Variants in RAB8B observed in about 807,000 individuals in gnomAD.
The protein encoded by RAB8B is RAB8B, member RAS oncogene family, also known as ras-related protein Rab-8B.
Under a neutral mutation model 32.0 loss-of-function variants are expected in RAB8B, and 11 were observed. The observed-to-expected ratio is 0.34, with a 90% CI of 0.22 to 0.57. The LOEUF (loss-of-function observed/expected upper bound fraction) is 0.57. Among genes scored for constraint, RAB8B ranks in the 20% least tolerant of loss-of-function variants. The probability of loss-of-function intolerance (pLI) is 0.86; values close to 1 mark genes in which losing one functional copy is unlikely to be tolerated. For synonymous variants in RAB8B, 103 were observed against 89.6 expected, an observed-to-expected ratio of 1.15 and a Z score of -0.85; for missense variants, 190 against 258.5, an observed-to-expected ratio of 0.73 and a Z score of 1.82.
chr15:63,249,026 A>G (rs532033098), intron 2 of RAB8B, among the ~76,000 whole-genome samples: 63 of 152,364 alleles, frequency 4.1e-4, no homozygotes, highest in African/African-American at 1.5e-3. Flanking sequence ...GCAAAAATAT[A>G]TGAAAGTTTA....
intron 1 of RAB8B, among the ~76,000 whole-genome samples, chr15:63,236,274 C>A (rs574074942): frequency 6.6e-6 from 1 of 152,056 alleles, no homozygotes; most frequent in African/African-American, 2.4e-5. Context: ...AATGAAAATG[C>A]CTTTGAGTCA....
chr15:63,243,086 G>C (rs992128849), intron 1 of RAB8B, among the ~76,000 whole-genome samples: 1 of 152,222 alleles, frequency 6.6e-6, no homozygotes, highest in Admixed American at 6.5e-5. Flanking sequence ...GATTCTCATA[G>C]GAGTGCACAA....
intron 1 of RAB8B, among the ~76,000 whole-genome samples, chr15:63,218,468 A>G (rs1470025336): frequency 1.3e-5 from 2 of 152,224 alleles, no homozygotes; most frequent in African/African-American, 4.8e-5. Context: ...GGACTCCACT[A>G]TACGGGGTTA....
chr15:63,234,369 T>A (rs1356166815), intron 1 of RAB8B, among the ~76,000 whole-genome samples: 1 of 152,212 alleles, frequency 6.6e-6, no homozygotes, highest in Admixed American at 6.5e-5. Context: ...GTTATTAATA[T>A]CTGTTGACTG....
chr15:63,190,972 CTG>C (rs1305722617), intron 1 of RAB8B, among the ~76,000 whole-genome samples: 4 of 152,204 alleles, frequency 2.6e-5, no homozygotes, highest in South Asian at 2.1e-4. Context: ...CTGGAAGACA[CTG>C]TGTTCAGGTA....
chr15:63,243,194 A>G (rs1053111805), intron 1 of RAB8B, among the ~76,000 whole-genome samples: 47 of 152,224 alleles, frequency 3.1e-4, no homozygotes, highest in Admixed American at 2.0e-4. Context: ...TTAGGCAGCA[A>G]TGCAAGTAAT....
At chr15:63,196,287 C>T (rs1222533254) in intron 1 of RAB8B, among the ~76,000 whole-genome samples, 14 of 152,128 alleles carry the variant, frequency 9.2e-5, no homozygotes, top group Admixed American at 9.2e-4. Context: ...ATGGTGGTTA[C>T]AGTACTTTAA....
chr15:63,213,962 TC>T, intron 1 of RAB8B, among the ~76,000 whole-genome samples: 1 of 152,026 alleles, frequency 6.6e-6, no homozygotes, highest in East Asian at 1.9e-4. Flanking sequence ...GTGTCTGTAA[TC>T]CCAGCTACTC....
At chr15:63,258,000 T>G (rs182937605) in intron 5 of RAB8B, among the ~76,000 whole-genome samples, 154 of 144,362 alleles carry the variant, frequency 1.1e-3, no homozygotes, top group African/African-American at 3.7e-3. Context: ...GAGGCGGAGG[T>G]TGCAGTGAGC....
chr15:63,253,695 A>G (rs1383011813), intron 3 of RAB8B, among the ~76,000 whole-genome samples: 2 of 152,328 alleles, frequency 1.3e-5, no homozygotes, highest in East Asian at 3.9e-4. Context: ...GAAATTAATC[A>G]GGGAAATCAA....
rs971858735 is a variant in RAB8B at position 63,266,138 on chromosome 15, G to C, written c.*2519G>C. 3.3e-5 allele frequency: 5 copies of C among 152,530 alleles called. No homozygotes were observed. The highest frequency in any genetic ancestry group is 7.2e-5 in the African/African-American group (3 of 41,428). 9.4% of individuals were successfully genotyped at this position (152,530 alleles called of 1,614,324 possible). ...TCCCCGCTGAAACTGAAGAAATCTA[G>C]TTTTTTTGTGAACATTTTTGTGGTC... On this transcript the variant is annotated 3_prime_UTR_variant, in exon 8 of 8. Transcript: ENST00000321437.
At chr15:63,217,326 A>T (rs1176891142) in intron 1 of RAB8B, among the ~76,000 whole-genome samples, 1 of 152,226 alleles carries the variant, frequency 6.6e-6, no homozygotes, top group Non-Finnish European at 1.5e-5. Context: ...ATTTAAAAAT[A>T]TTGAATGGAA....
chr15:63,203,086 T>G (rs1550721), intron 1 of RAB8B, among the ~76,000 whole-genome samples: 143,093 of 152,284 alleles, frequency 0.94, 67,450 homozygotes, highest in East Asian at 1. Flanking sequence ...AGAGGAAAAA[T>G]TGGCAGTGTG....
chr15:63,241,556 G>T, intron 1 of RAB8B, among the ~76,000 whole-genome samples: 1 of 152,214 alleles, frequency 6.6e-6, no homozygotes, highest in Middle Eastern at 3.4e-3. Context: ...CAACTGATCC[G>T]TAGAACTATT....
At chr15:63,241,495 ATTT>A (rs1218396532) in intron 1 of RAB8B, among the ~76,000 whole-genome samples, 1 of 152,066 alleles carries the variant, frequency 6.6e-6, no homozygotes, top group Non-Finnish European at 1.5e-5. Flanking sequence ...AGTCTTAACC[ATTT>A]TTCAGTGTAC....
chr15:63,209,571 A>G (rs2037730197), intron 1 of RAB8B, among the ~76,000 whole-genome samples: 1 of 152,138 alleles, frequency 6.6e-6, no homozygotes, highest in Non-Finnish European at 1.5e-5. Context: ...AGCCTGGGAG[A>G]CAAAAAGCGA....
chr15:63,257,099 A>G (rs949428360), intron 5 of RAB8B, among the ~76,000 whole-genome samples: 3 of 152,144 alleles, frequency 2.0e-5, no homozygotes, highest in African/African-American at 7.2e-5. Flanking sequence ...GTTTATGGGC[A>G]TGGGCATTTC....
At chr15:63,258,201 A>G (rs1219997575) in intron 5 of RAB8B, among the ~76,000 whole-genome samples, 1 of 151,904 alleles carries the variant, frequency 6.6e-6, no homozygotes, top group Middle Eastern at 3.2e-3. Flanking sequence ...TCCCTGGTTC[A>G]AGCGATTCTC....
chr15:63,221,570 C>T (rs1231786422), intron 1 of RAB8B, among the ~76,000 whole-genome samples: 1 of 152,090 alleles, frequency 6.6e-6, no homozygotes, highest in Non-Finnish European at 1.5e-5. Flanking sequence ...CCCAGTTCAC[C>T]AGGTCATCCT....
Sources: allele counts gnomAD v4.1 joint callset (sites outside exome capture counted in the v4.1 genomes callset), GRCh38; gene constraint gnomAD v4.1.1; transcripts MANE v1.5; gene names NCBI Gene and HGNC (gene_info 2026-07-23, HGNC 2026-07-21).